EXOC6: variants seen among roughly 807,000 people sequenced by gnomAD.
EXOC6 encodes the protein SEC15-like 1.
Under a neutral mutation model 112.5 loss-of-function variants are expected in EXOC6, and 60 were observed. That is an observed-to-expected ratio of 0.53 (90% confidence interval 0.43 to 0.66). The LOEUF is 0.66. Among genes scored for constraint, EXOC6 ranks in the 30% least tolerant of loss-of-function variants. The probability of loss-of-function intolerance (pLI) is 0.00; values close to 1 mark genes in which losing one functional copy is unlikely to be tolerated. For synonymous variants in EXOC6, 295 were observed against 308.0 expected, an observed-to-expected ratio of 0.96 and a Z score of 0.44; for missense variants, 855 against 957.1, an observed-to-expected ratio of 0.89 and a Z score of 1.41.
At chr10:92,948,472 A>G (rs1280624358) in intron 14 of EXOC6, 93 bp downstream of exon 14, 5 of 753,972 alleles carry the variant, frequency 6.6e-6, no homozygotes, top group South Asian at 2.4e-5. Context: ...GAGACTGTAA[A>G]TAACAGTGGT....
chr10:92,873,389 CTTT>C (rs939171168), intron 1 of EXOC6, among the ~76,000 whole-genome samples: 1 of 152,132 alleles, frequency 6.6e-6, no homozygotes, highest in African/African-American at 2.4e-5. Flanking sequence ...CGACACTAGA[CTTT>C]TTTCTGTGCG....
intron 1 of EXOC6, among the ~76,000 whole-genome samples, chr10:92,891,230 A>G (rs1474741281): frequency 6.6e-6 from 1 of 152,186 alleles, no homozygotes; most frequent in Non-Finnish European, 1.5e-5. Flanking sequence ...TGCTTATCAG[A>G]CATCTAATTG....
intron 17 of EXOC6, among the ~76,000 whole-genome samples, chr10:92,967,376 T>C (rs1402924702): frequency 6.6e-6 from 1 of 152,170 alleles, no homozygotes; most frequent in Non-Finnish European, 1.5e-5. Flanking sequence ...TAAAAATTTC[T>C]AGATATTTGG....
At chr10:92,920,132 C>T in intron 8 of EXOC6, 82 bp downstream of exon 8, 2 of 787,132 alleles carry the variant, frequency 2.5e-6, no homozygotes, top group East Asian at 2.9e-5. Context: ...AAAAATTGAT[C>T]ATATGCTGTA....
Position 92,997,622 on chromosome 10 carries a change from AC to A in EXOC6, c.2095+8del. The A allele has an allele frequency of 6.3e-7, 1 of 1,597,352 alleles. No individual in the cohort carries two copies. The highest frequency in any genetic ancestry group is 1.3e-5 in the African/African-American group (1 of 74,374). ...GATGTCATACAGTGTGAATGTAAGT[AC>A]TATATTGGTTTATTCTTATGTATTA... On this transcript the variant is annotated splice_region_variant and intron_variant, in intron 19 of 21. Coordinates refer to ENST00000260762, the MANE Select transcript of EXOC6 (RefSeq NM_019053.6).
chr10:92,959,596 A>C lies in EXOC6; in HGVS notation c.1773+3882A>C, dbSNP rs141269047. 2.3e-3 allele frequency among the ~76,000 whole-genome samples: 349 copies of C among 152,342 alleles called. 1 individual carries two copies. The highest frequency in any genetic ancestry group is 7.6e-3 in the African/African-American group (318 of 41,592). On this transcript the variant is annotated intron_variant, in intron 17 of 21. Transcript: ENST00000260762. The stretch of plus-strand genomic sequence containing the variant: ...ACAAGCCACAGAACTGGGAGAAAAT[A>C]TTTGAAAAAGACTTATCTGATAAAG...
At position 92,851,689 on chromosome 10, in the gene EXOC6, C is replaced by T. The variant is rs975608602; in HGVS notation, c.101+3055C>T. 1.2e-4 allele frequency among the ~76,000 whole-genome samples: 18 copies of T among 151,148 alleles called. 1 individual carries two copies. Among genetic ancestry groups the T allele is most frequent in the Admixed American group, 1.2e-3 (18 of 15,168 alleles). ...AAAAACAAACAAAAAAAAAACAAAA[C>T]CAACCAACTAACCAAACAAACAAAA... On this transcript the variant is annotated intron_variant, in intron 1 of 21. Transcript: ENST00000260762.
chr10:92,853,448 G>A lies in EXOC6; in HGVS notation c.101+4814G>A, dbSNP rs148273062. The stretch of plus-strand genomic sequence containing the variant: ...GACCTAGATTAGCCAAACTAACTTG[G>A]TAAAAGATGAACAGAATTGGAGGAC... On this transcript the variant is annotated intron_variant, in intron 1 of 21. Coordinates refer to ENST00000260762, the MANE Select transcript of EXOC6 (RefSeq NM_019053.6). Among the ~76,000 whole-genome samples, 846 of 152,246 alleles carry A rather than the reference G, an allele frequency of 5.6e-3. 6 individuals are homozygous for A. Among genetic ancestry groups the A allele is most frequent in the African/African-American group, 0.017 (699 of 41,532 alleles).
intron 1 of EXOC6, among the ~76,000 whole-genome samples, chr10:92,879,110 C>CT (rs1848824155): frequency 6.6e-6 from 1 of 152,142 alleles, no homozygotes; most frequent in Admixed American, 6.5e-5. Context: ...CAAAAATTAT[C>CT]TTTTTAAGCA....
At chr10:92,845,243 T>G (rs958961354), upstream of EXOC6, among the ~76,000 whole-genome samples, 1 of 152,170 alleles carries the variant, frequency 6.6e-6, no homozygotes, top group East Asian at 1.9e-4. Context: ...ACCTTCTCAG[T>G]GCAGACGTTA....
upstream of EXOC6, among the ~76,000 whole-genome samples, chr10:92,843,753 C>T (rs1846944141): frequency 2.0e-5 from 3 of 151,998 alleles, no homozygotes; most frequent in African/African-American, 7.2e-5. Flanking sequence ...ACTTCGGGAG[C>T]CCGAGGTGGG....
chr10:92,886,758 C>A (rs1321848479), intron 1 of EXOC6, among the ~76,000 whole-genome samples: 1 of 152,166 alleles, frequency 6.6e-6, no homozygotes, highest in Non-Finnish European at 1.5e-5. Flanking sequence ...AGAAGTATGT[C>A]TGGAATAGCA....
intron 19 of EXOC6, among the ~76,000 whole-genome samples, chr10:92,998,664 AC>A (rs1342590430): frequency 8.7e-5 from 13 of 148,772 alleles, no homozygotes; most frequent in African/African-American, 3.0e-4. Flanking sequence ...ACACACACAC[AC>A]TCCAAAGTTT....
chr10:92,906,559 C>T (rs1850452745), intron 5 of EXOC6, among the ~76,000 whole-genome samples: 1 of 152,040 alleles, frequency 6.6e-6, no homozygotes, highest in South Asian at 2.1e-4. Context: ...AAAACAGACA[C>T]CTTGTCAGAG....
rs1459009870 is a variant in EXOC6, at chr10:92,940,914, AATC to A, written c.1310+93_1310+95del. 7.1e-6 allele frequency: 6 copies of A among 848,688 alleles called. No individual in the cohort carries two copies. The East Asian group carries it at 1.3e-4, about 19-fold the overall frequency. The allele number at this position is 848,688 out of a possible 1,614,324, so 52.6% of individuals were successfully genotyped here. On this transcript the variant is annotated intron_variant, in intron 13 of 21. Coordinates refer to ENST00000260762, the MANE Select transcript of EXOC6 (RefSeq NM_019053.6). ...TGCATATATTAATAAAAATGCTTAT[AATC>A]ATTTTTATTGTAGTAAAGTACACAT...
intron 20 of EXOC6, among the ~76,000 whole-genome samples, chr10:93,026,089 G>A (rs1295565966): frequency 1.3e-5 from 2 of 152,124 alleles, no homozygotes; most frequent in Non-Finnish European, 2.9e-5. Context: ...CACTCCCTTC[G>A]TTGTGTAGTT....
intron 17 of EXOC6, among the ~76,000 whole-genome samples, chr10:92,965,970 TTTA>T (rs1842030940): frequency 6.6e-6 from 1 of 152,244 alleles, no homozygotes; most frequent in Non-Finnish European, 1.5e-5. Flanking sequence ...CTGACATAGA[TTTA>T]TTTGCTTCCT....
chr10:92,936,694 G>A (rs1042573337), intron 12 of EXOC6, among the ~76,000 whole-genome samples: 3 of 152,150 alleles, frequency 2.0e-5, no homozygotes, highest in Non-Finnish European at 2.9e-5. Context: ...CAATATCACC[G>A]GCAAGTTGTA....
intron 20 of EXOC6, among the ~76,000 whole-genome samples, chr10:93,031,510 C>CTTTTTTTTTTTTTTTTT (rs778524287): frequency 1.5e-5 from 2 of 130,450 alleles, no homozygotes; most frequent in Non-Finnish European, 3.2e-5. Context: ...TTCTTTCTTT[C>CTTTTTTTTTTTTTTTTT]TTTTTTTTTT....
Sources: allele counts gnomAD v4.1 joint callset (sites outside exome capture counted in the v4.1 genomes callset), GRCh38; gene constraint gnomAD v4.1.1; transcripts MANE v1.5; gene names NCBI Gene and HGNC (gene_info 2026-07-23, HGNC 2026-07-21).